The following SPATA7 variants were observed in gnomAD, a reference collection of about 807,000 sequenced individuals.
SPATA7 encodes spermatogenesis-associated protein 7.
SPATA7 carries 43 observed loss-of-function variants against 51.8 expected under a neutral mutation model. That is an observed-to-expected ratio of 0.83 (90% CI 0.65 to 1.07). The LOEUF (loss-of-function observed/expected upper bound fraction) is 1.07, where lower values mean the gene tolerates loss of function less well. Among genes scored for constraint, SPATA7 ranks in the 50% least tolerant of loss-of-function variants. The probability of loss-of-function intolerance (pLI) is 0.00; values close to 1 mark genes in which losing one functional copy is unlikely to be tolerated. For missense variants in SPATA7, 683 were observed against 701.3 expected (o/e 0.97, Z 0.30); for synonymous variants, 230 against 252.8 (o/e 0.91, Z 0.86).
chr14:88,469,675 G>A lies in SPATA7; in HGVS notation c.255-172G>A. On this transcript the variant is annotated intron_variant, in intron 4 of 4. Coordinates refer to the SPATA7 transcript ENST00000556406. This position sits in a 1 kb window ranked among gnomAD's most constrained non-coding sequence, Gnocchi z 4.3. The stretch of plus-strand genomic sequence containing the variant: ...GATCTTAAACCTTCCATAGGTGACA[G>A]TGTTGTGCCTGGAACCAAGTCGTGG... The A allele has an allele frequency of 1.9e-6, 3 of 1,614,196 alleles. No individual in the cohort carries two copies. The highest frequency in any genetic ancestry group is 2.2e-5 in the South Asian group (2 of 91,084).
In SPATA7 at chr14:88,468,829, G is replaced by T. The variant is rs992643490; in HGVS notation, c.255-1018G>T. 3.9e-6 allele frequency: 6 copies of T among 1,539,876 alleles called. No homozygotes were observed. The African/African-American group carries it at 6.8e-5, about 17-fold the overall frequency. On this transcript the variant is annotated intron_variant, in intron 4 of 4. Transcript: ENST00000556406. ...GCCACCACAGTCCAAGGAAATGTGC[G>T]CAAAAAGAGCTATTAAGTCACTATG...
At chr14:88,434,237 A>G (rs1000549736) in intron 10 of SPATA7, among the ~76,000 whole-genome samples, 1 of 152,240 alleles carries the variant, frequency 6.6e-6, no homozygotes, top group Non-Finnish European at 1.5e-5. Context: ...AATTGTACCA[A>G]AAACCAGAAT....
chr14:88,407,995 GT>G (rs1437582284), intron 4 of SPATA7, among the ~76,000 whole-genome samples: 1 of 152,152 alleles, frequency 6.6e-6, no homozygotes, highest in Non-Finnish European at 1.5e-5. Context: ...GTATCATGCT[GT>G]TTTGGTTACT....
rs2076791478 is a variant in SPATA7 at position 88,426,333 on chromosome 14, C to T, written c.474C>T (p.His158=). The T allele has an allele frequency of 6.2e-7, 1 of 1,613,940 alleles. No homozygotes were observed. The highest frequency in any genetic ancestry group is 1.1e-5 in the South Asian group (1 of 91,078). ...RSLVPSSERL[H]LSLHKSSKVI... Reference sequence around the variant, plus strand: ...TAGTACCCTCTTCAGAGAGACTACACCTAAGTCTACATAAATCCAGTAAAG... The same window carrying T: ...TAGTACCCTCTTCAGAGAGACTACATCTAAGTCTACATAAATCCAGTAAAG... Residue 158 remains histidine (H), a synonymous_variant, in exon 6 of 12, where the codon CAC becomes CAT. Transcript: ENST00000393545.
chr14:88,431,336 G>A, intron 9 of SPATA7, 111 bp downstream of exon 9: 3 of 1,052,298 alleles, frequency 2.9e-6, no homozygotes, highest in Non-Finnish European at 4.4e-6. Context: ...TTTAAAACTG[G>A]CAAGTAATAA....
intron 1 of SPATA7, among the ~76,000 whole-genome samples, chr14:88,387,899 A>G (rs546921906): frequency 1.3e-5 from 2 of 152,274 alleles, no homozygotes; most frequent in South Asian, 4.2e-4. Context: ...GAAGGAGAGG[A>G]GACAACCTAT....
At chr14:88,396,948 C>A (rs1291842509) in intron 4 of SPATA7, among the ~76,000 whole-genome samples, 1 of 149,722 alleles carries the variant, frequency 6.7e-6, no homozygotes, top group Non-Finnish European at 1.5e-5. Context: ...TCTCACCTCA[C>A]TGTAACCTCC....
intron 3 of SPATA7, among the ~76,000 whole-genome samples, chr14:88,450,396 A>T (rs1359942271): frequency 1.3e-5 from 2 of 152,164 alleles, no homozygotes; most frequent in South Asian, 2.1e-4. Context: ...GAAAAATTAT[A>T]GGTCCTGTGA....
chr14:88,394,639 A>G (rs1273483048), intron 3 of SPATA7, among the ~76,000 whole-genome samples: 1 of 152,194 alleles, frequency 6.6e-6, no homozygotes, highest in Non-Finnish European at 1.5e-5. Flanking sequence ...ATTTTGGCGC[A>G]TGTGTTTACG....
chr14:88,461,972 G>A (rs893790109), intron 4 of SPATA7, among the ~76,000 whole-genome samples: 5 of 152,070 alleles, frequency 3.3e-5, no homozygotes, highest in African/African-American at 9.7e-5. Context: ...TGTTGTCTCT[G>A]GAGAATATTC....
chr14:88,399,058 A>G (rs551624151), intron 4 of SPATA7, among the ~76,000 whole-genome samples: 2 of 152,080 alleles, frequency 1.3e-5, no homozygotes, highest in South Asian at 2.1e-4. Context: ...TCTCAAAAAA[A>G]AAAAAAAAGA....
At chr14:88,447,663 C>T (rs1256580396) in intron 3 of SPATA7, among the ~76,000 whole-genome samples, 2 of 151,188 alleles carry the variant, frequency 1.3e-5, no homozygotes, top group Non-Finnish European at 3.0e-5. Context: ...TTCAGGAGCT[C>T]TTTTAGGGCA....
chr14:88,408,724 G>A (rs1401926400), intron 4 of SPATA7, among the ~76,000 whole-genome samples: 1 of 150,038 alleles, frequency 6.7e-6, no homozygotes, highest in Admixed American at 6.6e-5. Flanking sequence ...TGTCCATTCA[G>A]TATGATATTG....
At chr14:88,410,683 A>C (rs773310969) in intron 4 of SPATA7, 2 of 153,338 alleles carry the variant, frequency 1.3e-5, no homozygotes, top group Non-Finnish European at 2.9e-5. Context: ...AGTTTGCTGG[A>C]GGTCCACTCC....
chr14:88,456,396 A>G (rs1019536493), downstream of SPATA7, among the ~76,000 whole-genome samples: 5 of 152,016 alleles, frequency 3.3e-5, no homozygotes, highest in African/African-American at 1.2e-4. Flanking sequence ...TTGTTTCCTG[A>G]CTTTTTAATG....
intron 4 of SPATA7, among the ~76,000 whole-genome samples, chr14:88,410,415 C>G (rs2076309097): frequency 6.6e-6 from 1 of 151,754 alleles, no homozygotes; most frequent in Admixed American, 6.6e-5. Flanking sequence ...GATTGCAACC[C>G]CTGCGTTTTT....
At position 88,430,168 on chromosome 14, in the gene SPATA7, A is replaced by G. The variant is rs551468284; in HGVS notation, c.1028+705A>G. Among the ~76,000 whole-genome samples, 64 of 152,142 alleles carry G rather than the reference A, an allele frequency of 4.2e-4. No individual in the cohort carries two copies. The South Asian group carries it at 0.013, about 30-fold the overall frequency. ...GGGTAGAAGAAAGGAAGGAGTAGAGATTAAAAAGAGGGCAAGAATAAGGTG... is the reference window on the plus strand; with the variant it reads ...GGGTAGAAGAAAGGAAGGAGTAGAGGTTAAAAAGAGGGCAAGAATAAGGTG... On this transcript the variant is annotated intron_variant, in intron 8 of 11. Coordinates refer to ENST00000393545, the MANE Select transcript of SPATA7 (RefSeq NM_018418.5).
At chr14:88,466,143 T>G (rs959213297) in intron 4 of SPATA7, 2 of 152,164 alleles carry the variant, frequency 1.3e-5, no homozygotes, top group Admixed American at 6.5e-5. Context: ...TCTTATTCCT[T>G]TCTTCTAAGG....
chr14:88,463,923 C>T (rs918134542), intron 4 of SPATA7, among the ~76,000 whole-genome samples: 1 of 152,076 alleles, frequency 6.6e-6, no homozygotes, highest in East Asian at 1.9e-4. Context: ...TCTCGGCTCA[C>T]TGCAACCTCT....
Sources: gnomAD v4.1 joint callset for allele counts (sites outside exome capture counted in the v4.1 genomes callset) on GRCh38, gnomAD v4.1.1 for gene constraint, Gnocchi (gnomAD v3.1) non-coding constraint, MANE v1.5 for transcripts, NCBI Gene and HGNC (gene_info 2026-07-23, HGNC 2026-07-21) for gene names.